The following ANKRD33B variants were observed in gnomAD, a reference collection of about 807,000 sequenced individuals.
The protein encoded by ANKRD33B is ankyrin repeat domain-containing protein 33B.
In ANKRD33B, 6 loss-of-function variants were observed where a neutral mutation model predicts 21.5. That is an observed-to-expected ratio of 0.28 (90% CI 0.15 to 0.55). The LOEUF (loss-of-function observed/expected upper bound fraction) is 0.55. Ranked by LOEUF, ANKRD33B falls within the 20% of genes least tolerant of loss-of-function variation. The pLI is 0.94. For missense variants in ANKRD33B, 698 were observed against 747.2 expected (o/e 0.93, Z 0.77); for synonymous variants, 347 against 342.4 (o/e 1.01, Z -0.15).
intron 3 of ANKRD33B, among the ~76,000 whole-genome samples, chr5:10,643,819 C>CAAAA (rs374365829): frequency 1.0e-4 from 9 of 89,564 alleles, no homozygotes; most frequent in African/African-American, 1.9e-4. Context: ...GACTCTGTCT[C>CAAAA]AAAAAAAAAA....
chr5:10,592,603 G>C (rs1488844023), intron 1 of ANKRD33B, among the ~76,000 whole-genome samples: 1 of 150,350 alleles, frequency 6.7e-6, no homozygotes, highest in Non-Finnish European at 1.5e-5. Context: ...CTCCAGCCTG[G>C]GCAACAGAGT....
In ANKRD33B at chr5:10,564,550, C is replaced by T; in HGVS notation, c.83C>T (p.Ala28Val). The T allele has an allele frequency of 6.5e-7, 1 of 1,533,626 alleles. No homozygotes were observed. The highest frequency in any genetic ancestry group is 8.7e-7 in the Non-Finnish European group (1 of 1,146,310). ...TPPPPSPPRG[A>V]QVEEDPADYE... ...CCACCGCCGTCCCCACCCCGGGGCGCGCAGGTCGAGGAGGACCCCGCTGAC... is the reference window on the plus strand; with the variant it reads ...CCACCGCCGTCCCCACCCCGGGGCGTGCAGGTCGAGGAGGACCCCGCTGAC... Residue 28 changes from alanine to valine, a missense_variant, in exon 1 of 4, where the codon GCG becomes GTG. By Grantham distance (64) the Ala-to-Val change is moderately conservative. Coordinates refer to ENST00000296657, the MANE Select transcript of ANKRD33B (RefSeq NM_001164440.2).
chr5:10,610,751 A>T (rs138460189), intron 1 of ANKRD33B, among the ~76,000 whole-genome samples: 1 of 152,240 alleles, frequency 6.6e-6, no homozygotes, highest in African/African-American at 2.4e-5. Context: ...AATGCTCCCT[A>T]TTAAATATAT....
chr5:10,580,830 C>T (rs1341196873), intron 1 of ANKRD33B, among the ~76,000 whole-genome samples: 1 of 152,150 alleles, frequency 6.6e-6, no homozygotes, highest in Non-Finnish European at 1.5e-5. Context: ...CTCTTCCATC[C>T]TTCCCTCTCT....
rs1415177895 is a variant in ANKRD33B, at chr5:10,649,627, G to A, written c.999G>A (p.Pro333=). The part of the protein sequence containing the change: ...VCQTVCPESP[P]SVGKRRLAVQ... The stretch of plus-strand genomic sequence containing the variant: ...AGACCGTGTGCCCTGAGAGCCCTCC[G>A]AGCGTGGGGAAGAGGCGGCTGGCGG... The change falls in exon 4 of 4, where the codon CCG becomes CCA. Residue 333 remains proline (P), a synonymous_variant. Transcript: ENST00000296657. 3 of 1,531,336 alleles carry A rather than the reference G, an allele frequency of 2.0e-6. No individual in the cohort carries two copies. The highest frequency in any genetic ancestry group is 1.2e-5 in the South Asian group (1 of 83,788). 94.9% of individuals were successfully genotyped at this position (1,531,336 alleles called of 1,614,324 possible). A position where few individuals can be genotyped will look rare whatever the true frequency, so the allele number is the denominator to read the frequency against.
intron 1 of ANKRD33B, among the ~76,000 whole-genome samples, chr5:10,595,625 A>G (rs534161960): frequency 1.6e-4 from 25 of 152,200 alleles, no homozygotes; most frequent in Non-Finnish European, 2.9e-4. Flanking sequence ...CTGAAGGAGT[A>G]ACTGAAGGAG....
At chr5:10,571,730 T>C (rs1171988329) in intron 1 of ANKRD33B, among the ~76,000 whole-genome samples, 1 of 152,222 alleles carries the variant, frequency 6.6e-6, no homozygotes, top group East Asian at 1.9e-4. Flanking sequence ...TCCAGATTTC[T>C]GAGGTGTTTG....
intron 1 of ANKRD33B, among the ~76,000 whole-genome samples, chr5:10,577,001 G>T (rs1314771721): frequency 6.6e-6 from 1 of 152,182 alleles, no homozygotes; most frequent in Admixed American, 6.5e-5. Flanking sequence ...GCGGCATAAG[G>T]AGAGTTTTTC....
intron 2 of ANKRD33B, chr5:10,627,367 T>C (rs1252099987): frequency 1.3e-5 from 2 of 152,244 alleles, no homozygotes; most frequent in African/African-American, 2.4e-5. Context: ...GGTGATGGGA[T>C]ACAGCACGTG....
At position 10,619,258 on chromosome 5, in the gene ANKRD33B, C is replaced by T. The variant is rs1736358500; in HGVS notation, c.496+796C>T. The T allele has an allele frequency of 3.1e-6, 3 of 978,258 alleles. No homozygotes were observed. Among genetic ancestry groups the T allele is most frequent in the Non-Finnish European group, 3.6e-6 (3 of 823,454 alleles). 60.6% of individuals were successfully genotyped at this position (978,258 alleles called of 1,614,324 possible). A position where few individuals can be genotyped will look rare whatever the true frequency, so the allele number is the denominator to read the frequency against. On this transcript the variant is annotated intron_variant, in intron 2 of 3. Coordinates refer to ENST00000296657, the MANE Select transcript of ANKRD33B (RefSeq NM_001164440.2). This position sits in a 1 kb window ranked among gnomAD's most constrained non-coding sequence, Gnocchi z 4.5. ...TTGCAAGCAAAGAAGCTGCCTGCAGCTGAGCCAGGAAGAACAGGCGCTTGT... is the reference window on the plus strand; with the variant it reads ...TTGCAAGCAAAGAAGCTGCCTGCAGTTGAGCCAGGAAGAACAGGCGCTTGT...
chr5:10,598,138 G>T (rs1412835527), intron 1 of ANKRD33B, among the ~76,000 whole-genome samples: 1 of 152,124 alleles, frequency 6.6e-6, no homozygotes, highest in Non-Finnish European at 1.5e-5. Flanking sequence ...ACCTGGATGT[G>T]ACCACCCCAT....
chr5:10,653,373 T>C lies in ANKRD33B; in HGVS notation c.*3260T>C, dbSNP rs566757014. The C allele has an allele frequency of 4.6e-5, 7 of 152,248 alleles. No homozygotes were observed. Among genetic ancestry groups the C allele is most frequent in the African/African-American group, 1.4e-4 (6 of 41,430 alleles). The allele number at this position is 152,248 out of a possible 1,614,324, so 9.4% of individuals were successfully genotyped here. The stretch of plus-strand genomic sequence containing the variant: ...TCTTGTTTTCTCATTCTCTTTGGAG[T>C]GGGCACAGAGGGGACAAGTCGGCCC... On this transcript the variant is annotated 3_prime_UTR_variant, in exon 4 of 4. Coordinates refer to ENST00000296657, the MANE Select transcript of ANKRD33B (RefSeq NM_001164440.2).
At chr5:10,593,534 C>T (rs76870028) in intron 1 of ANKRD33B, among the ~76,000 whole-genome samples, 4 of 152,162 alleles carry the variant, frequency 2.6e-5, no homozygotes, top group African/African-American at 9.6e-5. Flanking sequence ...CTGTCTCAGT[C>T]GACACCCTAC....
intron 3 of ANKRD33B, among the ~76,000 whole-genome samples, chr5:10,642,914 T>TTTTGTTTTGTTTTG (rs1737098381): frequency 1.3e-5 from 2 of 152,138 alleles, no homozygotes; most frequent in Admixed American, 6.5e-5. Flanking sequence ...CTTTGTTTTG[T>TTTTGTTTTGTTTTG]TTTGTTTTGA....
chr5:10,617,914 C>A (rs929241012), intron 1 of ANKRD33B, among the ~76,000 whole-genome samples: 2 of 152,172 alleles, frequency 1.3e-5, no homozygotes, highest in African/African-American at 2.4e-5. Context: ...ACACGGACCC[C>A]AACATCACCT....
At chr5:10,596,267 C>G (rs1380394196) in intron 1 of ANKRD33B, among the ~76,000 whole-genome samples, 1 of 152,202 alleles carries the variant, frequency 6.6e-6, no homozygotes, top group Non-Finnish European at 1.5e-5. Context: ...ATCAACCCAT[C>G]AGCTAGGTAT....
rs747675141 is a variant in ANKRD33B at position 10,638,968 on chromosome 5, C to T, written c.637+800C>T. 5.2e-3 allele frequency among the ~76,000 whole-genome samples: 351 copies of T among 68,148 alleles called. 6 individuals carry two copies. Among genetic ancestry groups the T allele is most frequent in the African/African-American group, 0.022 (323 of 14,852 alleles). 44.7% of individuals were successfully genotyped at this position (68,148 alleles called of 152,430 possible). A position where few individuals can be genotyped will look rare whatever the true frequency, so the allele number is the denominator to read the frequency against. On this transcript the variant is annotated intron_variant, in intron 3 of 3. Transcript: ENST00000296657. ...TAGCGGGTGACGCGGAGTTGCACGGCGATGTTAGCGGGTGACGCGGAGTTG... is the reference window on the plus strand; with the variant it reads ...TAGCGGGTGACGCGGAGTTGCACGGTGATGTTAGCGGGTGACGCGGAGTTG...
At position 10,618,422 on chromosome 5, in the gene ANKRD33B, C is replaced by G; in HGVS notation, c.456C>G (p.Asp152Glu). Residue 152 changes from aspartate (D) to glutamate (E), a missense_variant, in exon 2 of 4, where the codon GAC becomes GAG. This residue lies in a region of ANKRD33B where 543 missense variants were observed against 566.5 expected (regional missense o/e 0.96). Transcript: ENST00000296657. ...CCCACGTTGACGTCAACTGGCAGGA[C>G]AGCGAGGGGAACACAGCCCTAATCA... ...ECPHVDVNWQ[D>E]SEGNTALITA... 6.5e-7 allele frequency: 1 copy of G among 1,537,314 alleles called. No homozygotes were observed. The highest frequency in any genetic ancestry group is 8.7e-7 in the Non-Finnish European group (1 of 1,146,810).
In ANKRD33B at chr5:10,635,535, G is replaced by A. The variant is rs987392869; in HGVS notation, c.497-2493G>A. Among the ~76,000 whole-genome samples the A allele has an allele frequency of 5.3e-5, 8 of 152,214 alleles. No individual in the cohort carries two copies. The South Asian group carries it at 1.7e-3, about 31-fold the overall frequency. On this transcript the variant is annotated intron_variant, in intron 2 of 3. Coordinates refer to ENST00000296657, the MANE Select transcript of ANKRD33B (RefSeq NM_001164440.2). ...ACCCTTTGTTTCCTGCTTATAACCT[G>A]AACACTGTTAGACTCATCAGGGCTT...
Sources: gnomAD v4.1 joint callset for allele counts (sites outside exome capture counted in the v4.1 genomes callset) on GRCh38, gnomAD v4.1.1 for gene constraint, gnomAD v4.1.1 regional missense constraint, Gnocchi (gnomAD v3.1) non-coding constraint, MANE v1.5 for transcripts, NCBI Gene and HGNC (gene_info 2026-07-23, HGNC 2026-07-21) for gene names.